PI4KA: variants seen among roughly 807,000 people sequenced by gnomAD.
PI4KA encodes PI4-kinase alpha.
PI4KA carries 122 observed loss-of-function variants against 271.4 expected under a neutral mutation model. The observed-to-expected ratio is 0.45, with a 90% CI of 0.39 to 0.52. The LOEUF is 0.52. Among genes scored for constraint, PI4KA ranks in the 20% least tolerant of loss-of-function variants. PI4KA has a pLI of 0.00. For missense variants in PI4KA, 1,969 were observed against 2,769.1 expected (o/e 0.71, Z 6.48); for synonymous variants, 1,041 against 1,078.8 (o/e 0.96, Z 0.69).
chr22:20,800,866 T>A (rs1235847212), intron 14 of PI4KA, among the ~76,000 whole-genome samples: 6 of 136,592 alleles, frequency 4.4e-5, no homozygotes, highest in Non-Finnish European at 9.8e-5. Flanking sequence ...AAAGCAAGAC[T>A]CTGTCTCAAA....
At chr22:20,818,923 T>C (rs575839582) in intron 6 of PI4KA, among the ~76,000 whole-genome samples, 3 of 152,184 alleles carry the variant, frequency 2.0e-5, no homozygotes, top group Admixed American at 6.5e-5. Flanking sequence ...CACTTATAAA[T>C]CTTATGTTGG....
intron 1 of PI4KA, among the ~76,000 whole-genome samples, chr22:20,848,909 TG>T (rs1926614321): frequency 6.6e-6 from 1 of 152,102 alleles, no homozygotes; most frequent in Non-Finnish European, 1.5e-5. Flanking sequence ...GCCCACAGAA[TG>T]GGAGAAAATA....
intron 26 of PI4KA, 82 bp from the exon 27 acceptor site, chr22:20,751,458 C>G: frequency 8.1e-7 from 1 of 1,232,672 alleles, no homozygotes; most frequent in South Asian, 1.3e-5. Flanking sequence ...CCCTACCCAC[C>G]ACCTGTCTGT....
chr22:20,740,798 A>G (rs953625495), intron 32 of PI4KA, among the ~76,000 whole-genome samples: 10 of 152,220 alleles, frequency 6.6e-5, no homozygotes, highest in Non-Finnish European at 1.5e-4. Flanking sequence ...ACAATAGAAG[A>G]TAATATCTGA....
At chr22:20,747,363 TAAA>T in intron 29 of PI4KA, 2 of 372,416 alleles carry the variant, frequency 5.4e-6, no homozygotes, top group Non-Finnish European at 4.8e-6. Context: ...TCCATAAATT[TAAA>T]AAAAAAAAAG....
At chr22:20,774,760 AAAAAAAAAAAAAAAAGAAG>A (rs1188943793) in intron 19 of PI4KA, among the ~76,000 whole-genome samples, 3 of 56,242 alleles carry the variant, frequency 5.3e-5, no homozygotes, top group Non-Finnish European at 1.0e-4. Context: ...GACTCCGTCA[AAAAAAAAAAAAAAAAGAAG>A]AAAAAAGAAA....
intron 4 of PI4KA, among the ~76,000 whole-genome samples, chr22:20,822,377 T>G: frequency 8.8e-6 from 1 of 113,480 alleles, no homozygotes; most frequent in Non-Finnish European, 1.8e-5. Context: ...GATACCTAAG[T>G]CTTCTTTCGC....
intron 8 of PI4KA, 70 bp from the exon 9 acceptor site, chr22:20,811,102 G>A (rs567471048): frequency 1.1e-5 from 12 of 1,126,830 alleles, no homozygotes; most frequent in African/African-American, 9.1e-5. Context: ...TCCTTCTACC[G>A]AAAACCCATG....
At chr22:20,819,038 A>G (rs1434957966) in intron 6 of PI4KA, among the ~76,000 whole-genome samples, 1 of 152,262 alleles carries the variant, frequency 6.6e-6, no homozygotes, top group African/African-American at 2.4e-5. Context: ...AGGGGACCAG[A>G]GCAAATCAGA....
At chr22:20,818,919 T>G (rs1449406465) in intron 6 of PI4KA, among the ~76,000 whole-genome samples, 1 of 152,206 alleles carries the variant, frequency 6.6e-6, no homozygotes, top group Admixed American at 6.5e-5. Context: ...AAATCACTTA[T>G]AAATCTTATG....
chr22:20,795,975 C>T (rs1315376133), intron 18 of PI4KA, among the ~76,000 whole-genome samples, 171 bp downstream of exon 18: 2 of 152,158 alleles, frequency 1.3e-5, no homozygotes, highest in Non-Finnish European at 2.9e-5. Context: ...CCCCTGATCC[C>T]CACCAGCATC....
At chr22:20,761,936 G>C (rs936696796) in intron 22 of PI4KA, among the ~76,000 whole-genome samples, 2 of 152,100 alleles carry the variant, frequency 1.3e-5, no homozygotes, top group African/African-American at 4.8e-5. Context: ...GGAAAATTAA[G>C]AGGCCATTAA....
At position 20,752,937 on chromosome 22, in the gene PI4KA, C is replaced by A; in HGVS notation, c.2953G>T (p.Val985Leu). 1.2e-6 allele frequency: 2 copies of A among 1,614,176 alleles called. No homozygotes were observed. The highest frequency in any genetic ancestry group is 1.7e-6 in the Non-Finnish European group (2 of 1,180,000). Residue 985 changes from valine (V) to leucine (L), a missense_variant, in exon 25 of 55, where the codon GTG (valine) becomes TTG (leucine). Physicochemically the swap from Val to Leu is conservative, Grantham distance 32 (BLOSUM62 1). Transcript: ENST00000255882. ...AGACCAGATAGATACTTGTCTGCCACCCTCCTTATCCTCTTGTGGATGTGG... is the reference window on the plus strand; with the variant it reads ...AGACCAGATAGATACTTGTCTGCCAACCTCCTTATCCTCTTGTGGATGTGG... ...FNHIHKRIRR[V>L]ADKYLSGLVD...
intron 1 of PI4KA, among the ~76,000 whole-genome samples, chr22:20,840,322 G>T (rs1925394759): frequency 6.6e-6 from 1 of 152,210 alleles, no homozygotes; most frequent in African/African-American, 2.4e-5. Context: ...GCAGCACAGT[G>T]GAAAAGAAGA....
At chr22:20,805,649 G>A (rs1052136011) in intron 10 of PI4KA, among the ~76,000 whole-genome samples, 19 of 151,806 alleles carry the variant, frequency 1.3e-4, no homozygotes, top group South Asian at 6.2e-4. Context: ...TGGCTAACAC[G>A]GTGAAACCCC....
Position 20,712,675 on chromosome 22 carries a change from T to A in PI4KA, c.5676+18A>T. 6.4e-7 allele frequency: 1 copy of A among 1,553,808 alleles called. No individual in the cohort carries two copies. The highest frequency in any genetic ancestry group is 8.7e-7 in the Non-Finnish European group (1 of 1,145,682). Reference sequence around the variant, plus strand: ...AGGTGCCCAGGGCTGCCCTACTGGCTCCACTCAGGGAACTTACCCCAGGGG... The same window carrying A: ...AGGTGCCCAGGGCTGCCCTACTGGCACCACTCAGGGAACTTACCCCAGGGG... On this transcript the variant is annotated intron_variant, in intron 49 of 54. Coordinates refer to ENST00000255882, the MANE Select transcript of PI4KA (RefSeq NM_058004.4).
chr22:20,771,054 T>C (rs113609935), intron 19 of PI4KA, among the ~76,000 whole-genome samples: 2 of 152,226 alleles, frequency 1.3e-5, no homozygotes, highest in African/African-American at 4.8e-5. Context: ...GGAAAAAATA[T>C]CTAGCCATAA....
At chr22:20,829,654 T>G (rs1430675391) in intron 3 of PI4KA, among the ~76,000 whole-genome samples, 1 of 152,104 alleles carries the variant, frequency 6.6e-6, no homozygotes, top group Non-Finnish European at 1.5e-5. Context: ...TCTCATTTCC[T>G]TCAGCTCAGC....
At chr22:20,747,737 T>A (rs754541929) in intron 28 of PI4KA, 35 bp from the exon 29 acceptor site, 2 of 1,600,988 alleles carry the variant, frequency 1.2e-6, no homozygotes, top group Admixed American at 3.4e-5. Flanking sequence ...TTTCAGTTAT[T>A]TATCTGATTT....
Sources: gnomAD v4.1 joint callset for allele counts (sites outside exome capture counted in the v4.1 genomes callset) on GRCh38, gnomAD v4.1.1 for gene constraint, MANE v1.5 for transcripts, NCBI Gene and HGNC (gene_info 2026-07-23, HGNC 2026-07-21) for gene names.